GALNT13: variants seen among roughly 807,000 people sequenced by gnomAD.
The protein encoded by GALNT13 is polypeptide N-acetylgalactosaminyltransferase 13, also known as UDP-GalNAc:polypeptide N-acetylgalactosaminyltransferase 13.
A neutral mutation model predicts 64.2 loss-of-function variants in GALNT13; 28 were observed. The observed-to-expected ratio is 0.44, with a 90% CI of 0.32 to 0.60. The LOEUF (loss-of-function observed/expected upper bound fraction) is 0.60, where lower values mean the gene tolerates loss of function less well. Ranked by LOEUF, GALNT13 falls within the 20% of genes least tolerant of loss-of-function variation. The probability of loss-of-function intolerance (pLI) is 0.05; values close to 1 mark genes in which losing one functional copy is unlikely to be tolerated. For missense variants in GALNT13, 577 were observed against 669.8 expected, an observed-to-expected ratio of 0.86 and a Z score of 1.53; for synonymous variants, 214 against 224.6, an observed-to-expected ratio of 0.95 and a Z score of 0.42.
chr2:153,365,485 A>C, the GALNT13 span, among the ~76,000 whole-genome samples: 1 of 152,266 alleles, frequency 6.6e-6, no homozygotes, highest in South Asian at 2.1e-4. Context: ...TTTTTTTGCA[A>C]TCTACCCATC....
rs143740002 is a variant in GALNT13, at chr2:154,265,973, C to T, written c.975+6835C>T. ...GTTGGTTTAGCATTCAAAAATCCAT[C>T]AAGGTAATTCACCGTATCAAGAAAC... On this transcript the variant is annotated intron_variant, in intron 8 of 12. Coordinates refer to ENST00000392825, the MANE Select transcript of GALNT13 (RefSeq NM_052917.4). Among the ~76,000 whole-genome samples, 460 of 152,244 alleles carry T rather than the reference C, an allele frequency of 3.0e-3. 4 individuals carry two copies. Among genetic ancestry groups the T allele is most frequent in the African/African-American group, 0.011 (456 of 41,552 alleles).
chr2:153,770,184 C>G, the GALNT13 span, among the ~76,000 whole-genome samples: 89 of 148,652 alleles, frequency 6.0e-4, no homozygotes, highest in Admixed American at 1.0e-3. Context: ...CCCCACACCC[C>G]GGCTTTTTCT....
the GALNT13 span, among the ~76,000 whole-genome samples, chr2:153,330,318 A>T: frequency 1.3e-5 from 2 of 152,132 alleles, no homozygotes; most frequent in African/African-American, 4.8e-5. Flanking sequence ...GTGAAAAATG[A>T]TGTTGGTAGT....
chr2:153,151,188 CT>C, the GALNT13 span, among the ~76,000 whole-genome samples: 1 of 151,828 alleles, frequency 6.6e-6, no homozygotes, highest in Non-Finnish European at 1.5e-5. Flanking sequence ...CTTCATGTCC[CT>C]TGTAAGTTGG....
the GALNT13 span, among the ~76,000 whole-genome samples, chr2:153,340,468 A>C: frequency 1.3e-5 from 2 of 151,998 alleles, no homozygotes; most frequent in Non-Finnish European, 2.9e-5. Context: ...CAGCCTGGCC[A>C]ACATGATGAA....
the GALNT13 span, among the ~76,000 whole-genome samples, chr2:153,521,715 T>C: frequency 6.6e-6 from 1 of 152,188 alleles, no homozygotes; most frequent in Admixed American, 6.5e-5. Context: ...CTCCCTCTAC[T>C]CCTGGCAATC....
the GALNT13 span, among the ~76,000 whole-genome samples, chr2:153,725,944 T>C: frequency 2.0e-5 from 3 of 152,192 alleles, no homozygotes; most frequent in African/African-American, 7.2e-5. Flanking sequence ...TTTTAATATT[T>C]TTTCGTATGA....
chr2:154,063,670 A>C (rs1700309030), intron 3 of GALNT13, among the ~76,000 whole-genome samples: 1 of 152,204 alleles, frequency 6.6e-6, no homozygotes, highest in African/African-American at 2.4e-5. Context: ...AACTAGAGCA[A>C]TCAAAAATTA....
chr2:154,319,726 T>A (rs1038934031), intron 9 of GALNT13, among the ~76,000 whole-genome samples: 22 of 152,232 alleles, frequency 1.4e-4, no homozygotes, highest in African/African-American at 5.3e-4. Context: ...GTTGCTTTGA[T>A]GATACTTTAT....
chr2:154,251,436 TCTCATG>T (rs1559049067), intron 7 of GALNT13, among the ~76,000 whole-genome samples: 1 of 152,172 alleles, frequency 6.6e-6, no homozygotes, highest in Admixed American at 6.5e-5. Context: ...AGTATTTGAT[TCTCATG>T]CTTATTGGTA....
At chr2:153,203,865 T>C in the GALNT13 span, among the ~76,000 whole-genome samples, 1 of 96,926 alleles carries the variant, frequency 1.0e-5, no homozygotes, top group African/African-American at 3.1e-5. Flanking sequence ...ACACAATATG[T>C]AGCGTGTCTA....
At chr2:153,153,810 T>A in the GALNT13 span, among the ~76,000 whole-genome samples, 1 of 152,184 alleles carries the variant, frequency 6.6e-6, no homozygotes, top group East Asian at 1.9e-4. Flanking sequence ...AGCCCTGTAG[T>A]ATAATTTGAA....
At chr2:154,111,973 AC>A (rs1233345630) in intron 3 of GALNT13, among the ~76,000 whole-genome samples, 1 of 152,160 alleles carries the variant, frequency 6.6e-6, no homozygotes, top group Non-Finnish European at 1.5e-5. Context: ...TGTGTGGAAT[AC>A]CATGATGGTG....
chr2:153,814,348 G>A, the GALNT13 span, among the ~76,000 whole-genome samples: 1 of 152,216 alleles, frequency 6.6e-6, no homozygotes, highest in Non-Finnish European at 1.5e-5. Flanking sequence ...GCTGAGGCAG[G>A]AGAATGGCGT....
At chr2:153,216,295 A>G in the GALNT13 span, among the ~76,000 whole-genome samples, 1 of 152,050 alleles carries the variant, frequency 6.6e-6, no homozygotes, top group African/African-American at 2.4e-5. Flanking sequence ...TTGTGAGAAC[A>G]TAAGTTTTTG....
At chr2:153,080,533 C>T in the GALNT13 span, among the ~76,000 whole-genome samples, 2 of 151,866 alleles carry the variant, frequency 1.3e-5, no homozygotes, top group African/African-American at 4.8e-5. Context: ...ATTGATCTAC[C>T]ATTTCTTGTG....
chr2:153,713,908 A>G, the GALNT13 span, among the ~76,000 whole-genome samples: 1 of 152,302 alleles, frequency 6.6e-6, no homozygotes, highest in Middle Eastern at 3.4e-3. Flanking sequence ...AAGTGATACA[A>G]TTTGCTGCCA....
chr2:153,993,176 A>C (rs1695276544), intron 3 of GALNT13, among the ~76,000 whole-genome samples: 1 of 152,162 alleles, frequency 6.6e-6, no homozygotes, highest in Non-Finnish European at 1.5e-5. Context: ...TATCAAGATT[A>C]ACACCATTTA....
intron 3 of GALNT13, among the ~76,000 whole-genome samples, chr2:153,998,167 G>C (rs1003651643): frequency 3.3e-5 from 5 of 152,114 alleles, no homozygotes; most frequent in African/African-American, 1.2e-4. Context: ...CTAGTAATGG[G>C]ATTGCTGGGT....
Sources: allele counts gnomAD v4.1 joint callset (sites outside exome capture counted in the v4.1 genomes callset), GRCh38; gene constraint gnomAD v4.1.1; transcripts MANE v1.5; gene names NCBI Gene and HGNC (gene_info 2026-07-23, HGNC 2026-07-21).